The following ABCC5 variants were observed in gnomAD, a reference collection of about 807,000 sequenced individuals.
ABCC5 encodes ATP binding cassette subfamily C member 5.
ABCC5 carries 61 observed loss-of-function variants against 160.9 expected under a neutral mutation model. The observed-to-expected ratio is 0.38, with a 90% CI of 0.31 to 0.47. ABCC5 has a LOEUF of 0.47. Ranked by LOEUF, ABCC5 falls within the 20% of genes least tolerant of loss-of-function variation. ABCC5 has a pLI of 0.99. For synonymous variants in ABCC5, 666 were observed against 700.6 expected (o/e 0.95, Z 0.78); for missense variants, 1,308 against 1,813.3 (o/e 0.72, Z 5.06).
intron 22 of ABCC5, 119 bp from the exon 23 acceptor site, chr3:183,947,629 G>A (rs931995799): frequency 3.9e-5 from 32 of 824,830 alleles, no homozygotes; most frequent in Non-Finnish European, 5.4e-5. Flanking sequence ...GTTTCTAACT[G>A]AGAGAATGCC....
At chr3:183,968,527 A>G (rs1429417759) in intron 11 of ABCC5, among the ~76,000 whole-genome samples, 1 of 152,180 alleles carries the variant, frequency 6.6e-6, no homozygotes, top group African/African-American at 2.4e-5. Context: ...TTCAATAAAA[A>G]CCATGGACAC....
At chr3:183,937,400 C>T (rs754208485) in intron 26 of ABCC5, among the ~76,000 whole-genome samples, 3 of 152,032 alleles carry the variant, frequency 2.0e-5, no homozygotes, top group Admixed American at 6.6e-5. Context: ...AAAAAAACTG[C>T]AACTTTCAGC....
chr3:183,940,916 T>C (rs1304839703), intron 25 of ABCC5, among the ~76,000 whole-genome samples: 1 of 152,134 alleles, frequency 6.6e-6, no homozygotes, highest in Non-Finnish European at 1.5e-5. Context: ...TGGAGGGCAA[T>C]AGCGCAATCT....
intron 2 of ABCC5, among the ~76,000 whole-genome samples, chr3:183,995,001 G>A (rs1720146732): frequency 6.6e-6 from 1 of 151,518 alleles, no homozygotes; most frequent in African/African-American, 2.4e-5. Context: ...ACGGGCACGT[G>A]CTACCACACC....
At chr3:183,922,002 G>C (rs1712026579) in intron 29 of ABCC5, among the ~76,000 whole-genome samples, 1 of 151,508 alleles carries the variant, frequency 6.6e-6, no homozygotes, top group South Asian at 2.1e-4. Context: ...CTGCATGCCA[G>C]GCTGGGCGAC....
In ABCC5 at chr3:183,987,705, AAG is replaced by A; in HGVS notation, c.591+63_591+64del. ...CTGAGCACAACCTCTGCAACAGAAT[AAG>A]AGTGTTAGAGCTGGCCGTGGCCGGG... On this transcript the variant is annotated intron_variant, in intron 5 of 29. Transcript: ENST00000334444. The surrounding 1 kb of genome is among the most constrained non-coding windows in gnomAD (Gnocchi z 4.2). 1.2e-6 allele frequency: 2 copies of A among 1,606,462 alleles called. No individual in the cohort carries two copies. The highest frequency in any genetic ancestry group is 1.7e-6 in the Non-Finnish European group (2 of 1,175,220).
At chr3:183,999,694 G>A (rs1051703217) in intron 2 of ABCC5, among the ~76,000 whole-genome samples, 3 of 152,060 alleles carry the variant, frequency 2.0e-5, no homozygotes, top group Non-Finnish European at 4.4e-5. Context: ...CAGGAGGATC[G>A]CTTGATCCTG....
At chr3:183,923,993 C>T (rs1485527796) in intron 29 of ABCC5, among the ~76,000 whole-genome samples, 1 of 145,074 alleles carries the variant, frequency 6.9e-6, no homozygotes, top group Non-Finnish European at 1.5e-5. Context: ...TTAAATCCCA[C>T]CAATTTTTAC....
At chr3:183,927,030 C>T (rs1712646248) in intron 28 of ABCC5, among the ~76,000 whole-genome samples, 2 of 150,678 alleles carry the variant, frequency 1.3e-5, no homozygotes, top group Non-Finnish European at 1.5e-5. Flanking sequence ...GGAGACAGAG[C>T]AAGACTCCGT....
At chr3:184,003,246 T>G (rs1182935580) in intron 2 of ABCC5, among the ~76,000 whole-genome samples, 4 of 152,116 alleles carry the variant, frequency 2.6e-5, no homozygotes, top group Non-Finnish European at 5.9e-5. Flanking sequence ...AATTCACTTT[T>G]AAATTTAAAA....
At chr3:183,934,685 A>G (rs759508857) in intron 26 of ABCC5, among the ~76,000 whole-genome samples, 5 of 152,182 alleles carry the variant, frequency 3.3e-5, no homozygotes, top group Non-Finnish European at 5.9e-5. Context: ...AACATTTTAT[A>G]TAATTTAAAA....
chr3:184,014,188 A>G (rs1327254755), intron 2 of ABCC5, 76 bp downstream of exon 2: 2 of 1,438,498 alleles, frequency 1.4e-6, no homozygotes, highest in East Asian at 4.8e-5. Flanking sequence ...ATAAGTTTCT[A>G]AATTACCCAT....
In ABCC5 at chr3:183,937,683, T is replaced by G. The variant is rs529630825; in HGVS notation, c.3854+218A>C. The stretch of plus-strand genomic sequence containing the variant: ...GACCTCTCTGGCCTCTTCAGCACTG[T>G]GTTGCAGGCCTCCCTGCACCCTTCA... On this transcript the variant is annotated intron_variant, in intron 26 of 29. Transcript: ENST00000334444. Among the ~76,000 whole-genome samples the G allele has an allele frequency of 3.3e-5, 5 of 152,330 alleles. No individual in the cohort carries two copies. In the South Asian group the frequency reaches 1.0e-3, roughly 32 times the overall value.
In ABCC5 at chr3:183,987,218, T is replaced by C. The variant is rs77383417; in HGVS notation, c.591+552A>G. The C allele has an allele frequency of 8.8e-4, 172 of 195,880 alleles. No individual in the cohort carries two copies. The highest frequency in any genetic ancestry group is 3.9e-3 in the African/African-American group (166 of 43,080). 12.1% of individuals were successfully genotyped at this position (195,880 alleles called of 1,614,324 possible). On this transcript the variant is annotated intron_variant, in intron 5 of 29. Coordinates refer to ENST00000334444, the MANE Select transcript of ABCC5 (RefSeq NM_005688.4). The surrounding 1 kb of genome is among the most constrained non-coding windows in gnomAD (Gnocchi z 4.2). ...TTGTCTACTCTGCATCAGTACAGAC[T>C]GGGGAAAACCACGGCTGCCACCCCA...
At chr3:183,934,359 G>C (rs1479402582) in intron 26 of ABCC5, among the ~76,000 whole-genome samples, 26 of 152,182 alleles carry the variant, frequency 1.7e-4, no homozygotes, top group Non-Finnish European at 1.5e-5. Flanking sequence ...AGGATAAAAG[G>C]AAACCTTAGG....
At chr3:183,962,134 C>T (rs1228173674) in intron 15 of ABCC5, among the ~76,000 whole-genome samples, 1 of 152,114 alleles carries the variant, frequency 6.6e-6, no homozygotes, top group South Asian at 2.1e-4. Flanking sequence ...CCTGATAAAC[C>T]CAACGTAAAT....
chr3:183,963,539 C>T lies in ABCC5; in HGVS notation c.2081G>A (p.Ser694Asn). 10 of 1,614,210 alleles carry T rather than the reference C, an allele frequency of 6.2e-6. No homozygotes were observed. The highest frequency in any genetic ancestry group is 8.5e-6 in the Non-Finnish European group (10 of 1,180,050). The change falls in exon 15 of 30, where the codon AGC (serine) becomes AAC (asparagine). Residue 694 changes from serine (S) to asparagine (N), a missense_variant. Coordinates refer to ENST00000334444, the MANE Select transcript of ABCC5 (RefSeq NM_005688.4). This position sits in a 1 kb window ranked among gnomAD's most constrained non-coding sequence, Gnocchi z 4.6. ...GTCACTATACAAGGCCCGGGCAAGG[C>T]TGATCCTCTGGCGCTGCCCACCGCT... The part of the protein sequence containing the change: ...NLSGGQRQRI[S>N]LARALYSDRS...
At chr3:183,927,304 C>A in intron 28 of ABCC5, 26 bp downstream of exon 28, 1 of 1,607,876 alleles carries the variant, frequency 6.2e-7, no homozygotes, top group East Asian at 2.2e-5. Flanking sequence ...CCATTCTCTG[C>A]TGCTGCCAAC....
chr3:183,927,923 G>A, intron 27 of ABCC5: 1 of 661,874 alleles, frequency 1.5e-6, no homozygotes, highest in Non-Finnish European at 1.9e-6. Flanking sequence ...GTTGAATTAG[G>A]GCAGGGGATC....
Sources: allele counts gnomAD v4.1 joint callset (sites outside exome capture counted in the v4.1 genomes callset), GRCh38; gene constraint gnomAD v4.1.1; non-coding constraint Gnocchi (gnomAD v3.1); transcripts MANE v1.5; gene names NCBI Gene and HGNC (gene_info 2026-07-23, HGNC 2026-07-21).